The following VAT1 variants were observed in gnomAD, a reference collection of about 807,000 sequenced individuals.
The protein encoded by VAT1 is vesicle amine transport 1.
A neutral mutation model predicts 33.3 loss-of-function variants in VAT1; 24 were observed. The observed-to-expected ratio is 0.72, with a 90% CI of 0.52 to 1.01. The LOEUF is 1.01. Among genes scored for constraint, VAT1 ranks in the 50% least tolerant of loss-of-function variants. VAT1 has a pLI of 0.00. For synonymous variants in VAT1, 212 were observed against 225.0 expected (o/e 0.94, Z 0.52); for missense variants, 436 against 533.7 (o/e 0.82, Z 1.80).
At position 43,015,895 on chromosome 17, in the gene VAT1, C is replaced by A. The variant is rs1466810267; in HGVS notation, c.*166G>T. On this transcript the variant is annotated 3_prime_UTR_variant, in exon 6 of 6. Transcript: ENST00000355653. Reference sequence around the variant, plus strand: ...GTCACTTCCCAACCTCTTCAGAGGTCAGGAAGCGGGGAGGGGCAGGGGAGA... The same window carrying A: ...GTCACTTCCCAACCTCTTCAGAGGTAAGGAAGCGGGGAGGGGCAGGGGAGA... 2.6e-6 allele frequency: 2 copies of A among 772,386 alleles called. No homozygotes were observed. The highest frequency in any genetic ancestry group is 4.4e-6 in the Non-Finnish European group (2 of 457,998). 47.8% of individuals were successfully genotyped at this position (772,386 alleles called of 1,614,324 possible).
chr17:43,018,566 G>C, intron 2 of VAT1, 26 bp downstream of exon 2: 1 of 1,611,508 alleles, frequency 6.2e-7, no homozygotes, highest in East Asian at 2.2e-5. Flanking sequence ...TGGGGTAAGG[G>C]GTGATAAAGT....
At position 43,022,341 on chromosome 17, in the gene VAT1, G is replaced by C. The variant is rs764336078; in HGVS notation, c.-19C>G. ...CGGACATGGCTGGGACTCCCGACGA[G>C]AGCGCACAGCTGGATGGAGAGTGCA... On this transcript the variant is annotated 5_prime_UTR_variant, in exon 1 of 6. Coordinates refer to ENST00000355653, the MANE Select transcript of VAT1 (RefSeq NM_006373.4). 1.9e-6 allele frequency: 3 copies of C among 1,541,264 alleles called. No homozygotes were observed. Among genetic ancestry groups the C allele is most frequent in the African/African-American group, 1.4e-5 (1 of 72,562 alleles).
At chr17:43,020,571 G>A (rs1275014129) in intron 1 of VAT1, among the ~76,000 whole-genome samples, 2 of 151,956 alleles carry the variant, frequency 1.3e-5, no homozygotes, top group Non-Finnish European at 2.9e-5. Flanking sequence ...CTCATTGAGG[G>A]GTCTGATTTA....
In VAT1 at chr17:43,022,274, A is replaced by T; in HGVS notation, c.49T>A (p.Ser17Thr). 1 of 1,590,690 alleles carries T rather than the reference A, an allele frequency of 6.3e-7. No individual in the cohort carries two copies. The highest frequency in any genetic ancestry group is 8.5e-7 in the Non-Finnish European group (1 of 1,170,726). ...VAEAATGEDA[S>T]SPPPKTEAAS... Reference sequence around the variant, plus strand: ...GCCTCGGTTTTCGGAGGCGGCGAAGAGGCGTCTTCCCCGGTCGCTGCCTCG... The same window carrying T: ...GCCTCGGTTTTCGGAGGCGGCGAAGTGGCGTCTTCCCCGGTCGCTGCCTCG... Residue 17 changes from serine to threonine, a missense_variant, in exon 1 of 6, where the codon TCT (serine) becomes ACT (threonine). By Grantham distance (58) the Ser-to-Thr change is moderately conservative. Coordinates refer to ENST00000355653, the MANE Select transcript of VAT1 (RefSeq NM_006373.4).
At position 43,017,875 on chromosome 17, in the gene VAT1, G is replaced by T. The variant is rs2050533709; in HGVS notation, c.822C>A (p.Asn274Lys). Reference sequence around the variant, plus strand: ...CGACTTTGCCCATGGGTTTCAGGAGGTTGTAGCCCTTGGCAGTATCTGACC... The same window carrying T: ...CGACTTTGCCCATGGGTTTCAGGAGTTTGTAGCCCTTGGCAGTATCTGACC... The part of the protein sequence containing the change: ...LGGSDTAKGY[N>K]LLKPMGKVVT... Residue 274 changes from asparagine to lysine, a missense_variant, in exon 4 of 6, where the codon AAC (asparagine) becomes AAA (lysine). Coordinates refer to ENST00000355653, the MANE Select transcript of VAT1 (RefSeq NM_006373.4). 3 of 1,614,182 alleles carry T rather than the reference G, an allele frequency of 1.9e-6. No homozygotes were observed. Among genetic ancestry groups the T allele is most frequent in the Non-Finnish European group, 2.5e-6 (3 of 1,180,036 alleles).
At position 43,022,248 on chromosome 17, in the gene VAT1, T is replaced by G. The variant is rs1259980852; in HGVS notation, c.75A>C (p.Ala25=). The change falls in exon 1 of 6, where the codon GCA becomes GCC. Residue 25 remains alanine, a synonymous_variant. Transcript: ENST00000355653. ...DASSPPPKTE[A]ASDPQHPAAS... is the part of the protein sequence containing the mutation. ...CCGCGGGATGCTGGGGGTCGCTCGC[T>G]GCCTCGGTTTTCGGAGGCGGCGAAG... 1.3e-6 allele frequency: 2 copies of G among 1,581,344 alleles called. No homozygotes were observed. Among genetic ancestry groups the G allele is most frequent in the African/African-American group, 2.7e-5 (2 of 74,142 alleles).
chr17:43,018,823 T>C, intron 1 of VAT1, 24 bp from the exon 2 acceptor site: 1 of 1,613,388 alleles, frequency 6.2e-7, no homozygotes, highest in Non-Finnish European at 8.5e-7. Context: ...AGAGTATCAT[T>C]CAGTCACTCA....
At position 43,015,992 on chromosome 17, in the gene VAT1, G is replaced by A; in HGVS notation, c.*69C>T. The A allele has an allele frequency of 1.3e-6, 2 of 1,550,474 alleles. No individual in the cohort carries two copies. The highest frequency in any genetic ancestry group is 2.2e-5 in the East Asian group (1 of 44,582). ...ATGACAGAGGCTGAAATGCAAGTCT[G>A]GTGGCCAACAGAACGTAGCTTCCCA... On this transcript the variant is annotated 3_prime_UTR_variant, in exon 6 of 6. Transcript: ENST00000355653.
In VAT1 at chr17:43,014,617, C is replaced by A; in HGVS notation, c.*1444G>T. The A allele has an allele frequency of 4.1e-6, 1 of 242,254 alleles. No homozygotes were observed. Among genetic ancestry groups the A allele is most frequent in the Non-Finnish European group, 7.9e-6 (1 of 126,156 alleles). The allele number at this position is 242,254 out of a possible 1,614,324, so 15.0% of individuals were successfully genotyped here. A position where few individuals can be genotyped will look rare whatever the true frequency, so the allele number is the denominator to read the frequency against. On this transcript the variant is annotated 3_prime_UTR_variant, in exon 6 of 6. Coordinates refer to ENST00000355653, the MANE Select transcript of VAT1 (RefSeq NM_006373.4). ...GCAACAAGCAGGACCCAGGGTTTGG[C>A]TTTTTATTGACACAAACACACAAAG... is the stretch of plus-strand genomic sequence containing the variant.
At position 43,015,706 on chromosome 17, in the gene VAT1, G is replaced by A. The variant is rs1177604504; in HGVS notation, c.*355C>T. 7 of 296,772 alleles carry A rather than the reference G, an allele frequency of 2.4e-5. No homozygotes were observed. Among genetic ancestry groups the A allele is most frequent in the Non-Finnish European group, 4.4e-5 (7 of 157,374 alleles). 18.4% of individuals were successfully genotyped at this position (296,772 alleles called of 1,614,324 possible). On this transcript the variant is annotated 3_prime_UTR_variant, in exon 6 of 6. Transcript: ENST00000355653. The stretch of plus-strand genomic sequence containing the variant: ...GGGAGGTGGCGGGGCAGGGACGGGA[G>A]GAAAGATGAGGCAGAGGTGAAAGCA...
At position 43,014,812 on chromosome 17, in the gene VAT1, C is replaced by T. The variant is rs1259500680; in HGVS notation, c.*1249G>A. The T allele has an allele frequency of 6.5e-6, 1 of 153,070 alleles. No individual in the cohort carries two copies. The allele number at this position is 153,070 out of a possible 1,614,324, so 9.5% of individuals were successfully genotyped here. A position where few individuals can be genotyped will look rare whatever the true frequency, so the allele number is the denominator to read the frequency against. Reference sequence around the variant, plus strand: ...GCTCAGTGAGTAGAGGGAGTGACCTCCCTACCCAGGAAGTCCCCATTTTGG... The same window carrying T: ...GCTCAGTGAGTAGAGGGAGTGACCTTCCTACCCAGGAAGTCCCCATTTTGG... On this transcript the variant is annotated 3_prime_UTR_variant, in exon 6 of 6. Coordinates refer to ENST00000355653, the MANE Select transcript of VAT1 (RefSeq NM_006373.4).
At chr17:43,017,254 G>T (rs183856919) in intron 4 of VAT1, among the ~76,000 whole-genome samples, 183 of 150,198 alleles carry the variant, frequency 1.2e-3, no homozygotes, top group Middle Eastern at 3.4e-3. Flanking sequence ...CAGAAAGAAG[G>T]CAGGCTGGTT....
rs2050543107 is a variant in VAT1 at position 43,018,872 on chromosome 17, G to A, written c.388-73C>T. The A allele has an allele frequency of 1.1e-5, 17 of 1,520,978 alleles. No individual in the cohort carries two copies. In the South Asian group the frequency reaches 1.2e-4, roughly 10 times the overall value. 94.2% of individuals were successfully genotyped at this position (1,520,978 alleles called of 1,614,324 possible). ...AGGCTATTTACTGATTTCCCCCTAG[G>A]TACAAGGCTACCTTCTTCCAAATGA... On this transcript the variant is annotated intron_variant, in intron 1 of 5. Transcript: ENST00000355653.
In VAT1 at chr17:43,015,785, G is replaced by A; in HGVS notation, c.*276C>T. 1 of 526,788 alleles carries A rather than the reference G, an allele frequency of 1.9e-6. No individual in the cohort carries two copies. The highest frequency in any genetic ancestry group is 3.4e-6 in the Non-Finnish European group (1 of 293,496). The allele number at this position is 526,788 out of a possible 1,614,324, so 32.6% of individuals were successfully genotyped here. The stretch of plus-strand genomic sequence containing the variant: ...ACCTTGGCACAAAAGCAGCACAGCA[G>A]GCCCGGGGAAAGGGTGGGGGCAGGA... On this transcript the variant is annotated 3_prime_UTR_variant, in exon 6 of 6. Transcript: ENST00000355653.
intron 1 of VAT1, among the ~76,000 whole-genome samples, chr17:43,021,672 T>C (rs1160445276): frequency 6.6e-6 from 1 of 151,830 alleles, no homozygotes; most frequent in East Asian, 1.9e-4. Flanking sequence ...ACCTTATTGT[T>C]TTCCCCCCCA....
Position 43,022,240 on chromosome 17 carries a change from T to C in VAT1, c.83A>G (p.Asp28Gly), listed in dbSNP as rs763203840. The change falls in exon 1 of 6, where the codon GAC (aspartate) becomes GGC (glycine). Residue 28 changes from aspartate to glycine, a missense_variant. Coordinates refer to ENST00000355653, the MANE Select transcript of VAT1 (RefSeq NM_006373.4). ...TTCGGAGGCCGCGGGATGCTGGGGGTCGCTCGCTGCCTCGGTTTTCGGAGG... is the reference window on the plus strand; with the variant it reads ...TTCGGAGGCCGCGGGATGCTGGGGGCCGCTCGCTGCCTCGGTTTTCGGAGG... ...SPPPKTEAAS[D>G]PQHPAASEGA... 31 of 1,572,876 alleles carry C rather than the reference T, an allele frequency of 2.0e-5. No homozygotes were observed. Among genetic ancestry groups the C allele is most frequent in the Non-Finnish European group, 2.6e-5 (30 of 1,160,422 alleles).
At position 43,018,105 on chromosome 17, in the gene VAT1, C is replaced by T; in HGVS notation, c.697G>A (p.Gly233Arg). ...TGATAGTCGATGGGATGTGTGACCC[C>T]ATTCTCCTTCAGTGCCTCGTGCTTG... ...ASKHEALKEN[G>R]VTHPIDYHTT... The change falls in exon 3 of 6, where the codon GGG becomes AGG. Residue 233 changes from glycine (G) to arginine (R), a missense_variant. Coordinates refer to ENST00000355653, the MANE Select transcript of VAT1 (RefSeq NM_006373.4). 6.2e-7 allele frequency: 1 copy of T among 1,614,198 alleles called. No homozygotes were observed. Among genetic ancestry groups the T allele is most frequent in the Non-Finnish European group, 8.5e-7 (1 of 1,180,042 alleles).
intron 3 of VAT1, 25 bp downstream of exon 3, chr17:43,018,011 C>A: frequency 6.2e-7 from 1 of 1,611,656 alleles, no homozygotes; most frequent in Non-Finnish European, 8.5e-7. Context: ...TGCCTCCCTA[C>A]CCCCTCCCAT....
chr17:43,020,120 G>A, intron 1 of VAT1: 4 of 985,378 alleles, frequency 4.1e-6, no homozygotes, highest in Non-Finnish European at 4.8e-6. Flanking sequence ...TCCCAGATTT[G>A]ACCCAGAACA....
Sources: allele counts gnomAD v4.1 joint callset (sites outside exome capture counted in the v4.1 genomes callset), GRCh38; gene constraint gnomAD v4.1.1; transcripts MANE v1.5; gene names NCBI Gene and HGNC (gene_info 2026-07-23, HGNC 2026-07-21).